Variants in SPTBN2 observed in about 807,000 individuals in gnomAD.
The protein encoded by SPTBN2 is spectrin beta, non-erythrocytic 2.
In SPTBN2, 107 loss-of-function variants were observed where a neutral mutation model predicts 284.2. The ratio of observed to expected loss-of-function variants is 0.38; its 90% CI spans 0.32 to 0.44. The LOEUF is 0.44. SPTBN2 is among the 20% of genes least tolerant of loss of function. The probability of loss-of-function intolerance (pLI) is 1.00; values close to 1 mark genes in which losing one functional copy is unlikely to be tolerated. For synonymous variants in SPTBN2, 1,289 were observed against 1,354.8 expected (o/e 0.95, Z 1.07); for missense variants, 2,569 against 3,287.1 (o/e 0.78, Z 5.34).
At position 66,707,680 on chromosome 11, in the gene SPTBN2, G is replaced by T; in HGVS notation, c.1489C>A (p.His497Asn). 6.2e-7 allele frequency: 1 copy of T among 1,606,044 alleles called. No homozygotes were observed. The change falls in exon 13 of 38, where the codon CAC becomes AAC. Residue 497 changes from histidine to asparagine, a missense_variant. His to Asn is a moderately conservative substitution (Grantham distance 68, BLOSUM62 1). Around this residue, in one of 6 missense-constraint regions of SPTBN2, gnomAD observed 1,012 missense variants for 1,248.9 expected, o/e 0.81. Transcript: ENST00000533211. This position sits in a 1 kb window ranked among gnomAD's most constrained non-coding sequence, Gnocchi z 4.9. ...CGAGCGGCGATGCGCTTGATGTCGT[G>T]GTAGCGCTCGGCGGCCAGCTCTGCA... ...VAAELAAERYHDIKRIAARQH... is the reference protein window; with the variant it reads ...VAAELAAERYNDIKRIAARQH...
chr11:66,734,528 G>A (rs887953917), intron 1 of SPTBN2, among the ~76,000 whole-genome samples: 9 of 152,078 alleles, frequency 5.9e-5, no homozygotes, highest in African/African-American at 2.2e-4. Context: ...GGTTGGAATC[G>A]CTCTTCCTCT....
Position 66,704,758 on chromosome 11 carries a change from G to C in SPTBN2, c.2518C>G (p.Arg840Gly). The change falls in exon 15 of 38, where the codon CGG (arginine) becomes GGG (glycine). Residue 840 changes from arginine (R) to glycine (G), a missense_variant. Physicochemically the swap from Arg to Gly is moderately radical, Grantham distance 125. Transcript: ENST00000533211. ...AAGGCCCGCGCTCGCTCGCCTGCCC[G>C]GGCCTGCAGCTCCTCGTAGTGCCGC... ...LERHYEELQA[R>G]AGERARALEA... 1 of 1,603,962 alleles carries C rather than the reference G, an allele frequency of 6.2e-7. No individual in the cohort carries two copies. Among genetic ancestry groups the C allele is most frequent in the East Asian group, 2.2e-5 (1 of 44,532 alleles).
chr11:66,744,568 C>A, exon 1 of SPTBN2: 1 of 208,268 alleles, frequency 4.8e-6, no homozygotes, highest in Non-Finnish European at 9.4e-6. Context: ...CTCTCGCGGG[C>A]TCTTCCCCGC....
At chr11:66,717,725 A>G (rs1942212046) in intron 3 of SPTBN2, among the ~76,000 whole-genome samples, 1 of 152,166 alleles carries the variant, frequency 6.6e-6, no homozygotes, top group African/African-American at 2.4e-5. Context: ...ACACAGTCAG[A>G]AGACACAGAA....
intron 8 of SPTBN2, among the ~76,000 whole-genome samples, chr11:66,711,728 T>C (rs562242668): frequency 2.8e-4 from 43 of 152,326 alleles, no homozygotes; most frequent in African/African-American, 8.7e-4. Context: ...TTTCTGGAAA[T>C]ACATGGGCAG....
intron 25 of SPTBN2, 22 bp downstream of exon 25, chr11:66,692,948 G>A (rs369815331): frequency 1.3e-5 from 21 of 1,600,412 alleles, no homozygotes; most frequent in Non-Finnish European, 1.5e-5. Context: ...CCCAGGCTGG[G>A]CCGGGCTGCC....
chr11:66,700,554 C>T lies in SPTBN2; in HGVS notation c.3545G>A (p.Arg1182His), dbSNP rs777214144. The T allele has an allele frequency of 6.8e-6, 11 of 1,606,046 alleles. No individual in the cohort carries two copies. The highest frequency in any genetic ancestry group is 2.2e-5 in the East Asian group (1 of 44,888). The change falls in exon 17 of 38, where the codon CGT becomes CAT. Residue 1182 changes from arginine (R) to histidine (H), a missense_variant. Physicochemically the swap from Arg to His is conservative, Grantham distance 29. Coordinates refer to ENST00000533211, the MANE Select transcript of SPTBN2 (RefSeq NM_006946.4). The surrounding 1 kb of genome is among the most constrained non-coding windows in gnomAD (Gnocchi z 6.6). ...GCTGCTGAGCACGCCCTCAGCCTGACGAGCATCCCGCAGGAATCCCTGGAA... is the reference window on the plus strand; with the variant it reads ...GCTGCTGAGCACGCCCTCAGCCTGATGAGCATCCCGCAGGAATCCCTGGAA... Reference protein sequence around the residue: ...HGFQGFLRDARQAEGVLSSQE... With the variant: ...HGFQGFLRDAHQAEGVLSSQE...
At chr11:66,686,571 A>T (rs1309104032) in intron 36 of SPTBN2, 131 bp from the exon 37 acceptor site, 1 of 960,140 alleles carries the variant, frequency 1.0e-6, no homozygotes, top group Non-Finnish European at 1.7e-6. Flanking sequence ...CGGACCAGAC[A>T]CGCTCTGCAC....
intron 21 of SPTBN2, 60 bp from the exon 22 acceptor site, chr11:66,694,423 G>A (rs929832716): frequency 6.5e-7 from 1 of 1,544,812 alleles, no homozygotes; most frequent in Non-Finnish European, 8.8e-7. Context: ...ATGCCCAGCA[G>A]AGACACCAAC....
chr11:66,733,984 C>CAAA (rs60666832), upstream of SPTBN2, among the ~76,000 whole-genome samples: 6 of 75,748 alleles, frequency 7.9e-5, no homozygotes, highest in African/African-American at 2.0e-4. Flanking sequence ...GACTCCGTCT[C>CAAA]AAAAAAAAAA....
At chr11:66,725,516 G>T (rs567027384) in intron 1 of SPTBN2, among the ~76,000 whole-genome samples, 3 of 152,064 alleles carry the variant, frequency 2.0e-5, no homozygotes, top group African/African-American at 7.2e-5. Flanking sequence ...TTCCTCAGTC[G>T]GCCAGCAGCC....
At chr11:66,722,402 C>A (rs190814361) in intron 1 of SPTBN2, among the ~76,000 whole-genome samples, 1 of 151,322 alleles carries the variant, frequency 6.6e-6, no homozygotes, top group South Asian at 2.1e-4. Context: ...GGTGAAACCC[C>A]GTCTCTACTA....
intron 1 of SPTBN2, among the ~76,000 whole-genome samples, chr11:66,727,217 C>T (rs116434038): frequency 1.3e-5 from 2 of 152,316 alleles, no homozygotes; most frequent in African/African-American, 4.8e-5. Flanking sequence ...GGTTGCCCCA[C>T]ACCTCAAGCT....
intron 1 of SPTBN2, among the ~76,000 whole-genome samples, chr11:66,723,127 C>T (rs1942494766): frequency 6.6e-6 from 1 of 151,788 alleles, no homozygotes; most frequent in African/African-American, 2.4e-5. Context: ...TGGACCAGCA[C>T]TACTTACGGC....
At chr11:66,740,170 G>A (rs1942886168) in intron 1 of SPTBN2, among the ~76,000 whole-genome samples, 1 of 152,210 alleles carries the variant, frequency 6.6e-6, no homozygotes, top group Admixed American at 6.5e-5. Context: ...TGGTGGATGA[G>A]AAATCAGACT....
In SPTBN2 at chr11:66,703,729, T is replaced by A. The variant is rs147432729; in HGVS notation, c.2678+869A>T. Among the ~76,000 whole-genome samples, 41 of 151,558 alleles carry A rather than the reference T, an allele frequency of 2.7e-4. No homozygotes were observed. In the East Asian group the frequency reaches 8.0e-3, roughly 30 times the overall value. On this transcript the variant is annotated intron_variant, in intron 15 of 37. Coordinates refer to ENST00000533211, the MANE Select transcript of SPTBN2 (RefSeq NM_006946.4). ...TCCAGCCTGGGTGACAGAGTGAGAC[T>A]CCATCTCAAAAAAAAAAGAAATTCC...
At position 66,700,083 on chromosome 11, in the gene SPTBN2, G is replaced by A. The variant is rs1340068842; in HGVS notation, c.3573+443C>T. ...TGATCCACCAGCCTCAGCCTCCCCA[G>A]TAGCTGGAGCTACAGGCATGCACCA... On this transcript the variant is annotated intron_variant, in intron 17 of 37. Coordinates refer to ENST00000533211, the MANE Select transcript of SPTBN2 (RefSeq NM_006946.4). This position sits in a 1 kb window ranked among gnomAD's most constrained non-coding sequence, Gnocchi z 6.6. Among the ~76,000 whole-genome samples, 2 of 151,744 alleles carry A rather than the reference G, an allele frequency of 1.3e-5. No individual in the cohort carries two copies. The highest frequency in any genetic ancestry group is 2.4e-5 in the African/African-American group (1 of 41,290).
chr11:66,705,956 G>C lies in SPTBN2; in HGVS notation c.1654-119C>G, dbSNP rs1279707359. On this transcript the variant is annotated intron_variant, in intron 13 of 37. Transcript: ENST00000533211. ...TTGCACCCAGGTGAGAAACCTGCTT[G>C]CTCACACATACTTGAGATACCCCAG... 6.4e-6 allele frequency: 9 copies of C among 1,405,614 alleles called. No individual in the cohort carries two copies. The Admixed American group carries it at 1.2e-4, about 19-fold the overall frequency. 87.1% of individuals were successfully genotyped at this position (1,405,614 alleles called of 1,614,324 possible).
At position 66,693,301 on chromosome 11, in the gene SPTBN2, C is replaced by A. The variant is rs758372977; in HGVS notation, c.4739G>T (p.Arg1580Leu). 6.2e-7 allele frequency: 1 copy of A among 1,613,394 alleles called. No individual in the cohort carries two copies. Among genetic ancestry groups the A allele is most frequent in the Non-Finnish European group, 8.5e-7 (1 of 1,180,032 alleles). Residue 1580 changes from arginine to leucine, a missense_variant, in exon 24 of 38, where the codon CGA becomes CTA. Around this residue, in one of 6 missense-constraint regions of SPTBN2, gnomAD observed 1,130 missense variants for 1,317.3 expected, o/e 0.86. Transcript: ENST00000533211. This position sits in a 1 kb window ranked among gnomAD's most constrained non-coding sequence, Gnocchi z 5.7. The stretch of plus-strand genomic sequence containing the variant: ...CAGGGCATCCTCCAGTCGCTTCCCT[C>A]GAAGTTCCAGCTCGTGGCCCAGGCG... Reference protein sequence around the residue: ...WKRLGHELELRGKRLEDALRA... With the variant: ...WKRLGHELELLGKRLEDALRA...
Sources: allele counts gnomAD v4.1 joint callset (sites outside exome capture counted in the v4.1 genomes callset), GRCh38; gene constraint gnomAD v4.1.1; regional missense constraint gnomAD v4.1.1; non-coding constraint Gnocchi (gnomAD v3.1); transcripts MANE v1.5; gene names NCBI Gene and HGNC (gene_info 2026-07-23, HGNC 2026-07-21).